Variants in SH3RF3 observed in about 807,000 individuals in gnomAD.
SH3RF3 encodes the protein E3 ubiquitin-protein ligase SH3RF3.
A neutral mutation model predicts 66.3 loss-of-function variants in SH3RF3; 29 were observed. The observed-to-expected ratio is 0.44, with a 90% CI of 0.33 to 0.60. The LOEUF (loss-of-function observed/expected upper bound fraction) is 0.60, where lower values mean the gene tolerates loss of function less well. Among genes scored for constraint, SH3RF3 ranks in the 20% least tolerant of loss-of-function variants. SH3RF3 has a pLI of 0.04. For missense variants in SH3RF3, 1,194 were observed against 1,190.9 expected (o/e 1.00, Z -0.04); for synonymous variants, 583 against 532.0 (o/e 1.10, Z -1.32).
chr2:109,460,697 T>C (rs6542832), intron 8 of SH3RF3, among the ~76,000 whole-genome samples: 86,191 of 152,090 alleles, frequency 0.57, 24,557 homozygotes, highest in Admixed American at 0.57. Flanking sequence ...TTTTCACATG[T>C]GCTTTTCCAA....
At chr2:109,345,070 T>G (rs1288268094) in intron 1 of SH3RF3, among the ~76,000 whole-genome samples, 1 of 152,098 alleles carries the variant, frequency 6.6e-6, no homozygotes, top group Non-Finnish European at 1.5e-5. Context: ...AAAGACAGAA[T>G]CCCCGTGACT....
In SH3RF3 at chr2:109,294,800, C is replaced by T. The variant is rs114148199; in HGVS notation, c.574-52874C>T. On this transcript the variant is annotated intron_variant, in intron 1 of 9. Coordinates refer to ENST00000309415, the MANE Select transcript of SH3RF3 (RefSeq NM_001099289.3). ...AGGATGGCTCCAAGTGAGGAGGTAC[C>T]GACTCAGCCCAGGCTTAGCCAAGCC... Among the ~76,000 whole-genome samples the T allele has an allele frequency of 8.1e-3, 1,234 of 152,174 alleles. 20 individuals carry two copies. The highest frequency in any genetic ancestry group is 0.028 in the African/African-American group (1,173 of 41,514).
chr2:109,479,276 G>A (rs942795750), intron 8 of SH3RF3, among the ~76,000 whole-genome samples: 8 of 152,168 alleles, frequency 5.3e-5, no homozygotes, highest in South Asian at 2.1e-4. Context: ...GTGGGGACAC[G>A]GTCCTGTGAC....
chr2:109,320,473 G>A (rs1405894660), intron 1 of SH3RF3, among the ~76,000 whole-genome samples: 1 of 152,104 alleles, frequency 6.6e-6, no homozygotes, highest in Non-Finnish European at 1.5e-5. Context: ...TCCTCCTCAC[G>A]TCTTCTTAAC....
intron 1 of SH3RF3, among the ~76,000 whole-genome samples, chr2:109,167,089 A>AT (rs1018489635): frequency 8.5e-5 from 13 of 152,236 alleles, no homozygotes; most frequent in African/African-American, 2.4e-4. Context: ...CAGAAGTTAA[A>AT]TTAATAGCAG....
intron 2 of SH3RF3, among the ~76,000 whole-genome samples, chr2:109,368,549 A>G (rs1683194674): frequency 6.6e-6 from 1 of 151,960 alleles, no homozygotes; most frequent in African/African-American, 2.4e-5. Flanking sequence ...ACCTTCCTCA[A>G]ATTCTTATTC....
intron 4 of SH3RF3, among the ~76,000 whole-genome samples, chr2:109,418,715 T>C (rs6743315): frequency 0.67 from 102,345 of 152,074 alleles, 36,031 homozygotes; most frequent in African/African-American, 0.9. Context: ...GGCTGGGACT[T>C]GGACAGATCT....
chr2:109,399,009 T>A, intron 4 of SH3RF3, 66 bp downstream of exon 4: 1 of 1,475,162 alleles, frequency 6.8e-7, no homozygotes, highest in Non-Finnish European at 9.1e-7. Context: ...AGCTCCGTGT[T>A]CAGTGTCCCC....
chr2:109,484,870 G>GA (rs1285899793), intron 8 of SH3RF3, among the ~76,000 whole-genome samples: 1 of 152,146 alleles, frequency 6.6e-6, no homozygotes, highest in African/African-American at 2.4e-5. Flanking sequence ...ACTTGTGTCT[G>GA]AACATCTCTA....
At chr2:109,316,516 G>A (rs1284014997) in intron 1 of SH3RF3, among the ~76,000 whole-genome samples, 2 of 152,194 alleles carry the variant, frequency 1.3e-5, no homozygotes, top group Non-Finnish European at 1.5e-5. Flanking sequence ...ACTCCTCTTA[G>A]AGATTTCCTC....
At position 109,451,606 on chromosome 2, in the gene SH3RF3, C is replaced by T. The variant is rs563526063; in HGVS notation, c.2148+2117C>T. Among the ~76,000 whole-genome samples, 3 of 152,346 alleles carry T rather than the reference C, an allele frequency of 2.0e-5. No homozygotes were observed. The South Asian group carries it at 6.2e-4, about 32-fold the overall frequency. ...CCCACCTAAGTGTGAAGCTAATGAA[C>T]ACCAGCTGAGTCTGTTCCTAGCCTG... is the stretch of plus-strand genomic sequence containing the variant. On this transcript the variant is annotated intron_variant, in intron 8 of 9. Transcript: ENST00000309415.
chr2:109,340,592 A>C (rs535868200), intron 1 of SH3RF3, among the ~76,000 whole-genome samples: 5 of 152,206 alleles, frequency 3.3e-5, no homozygotes, highest in Non-Finnish European at 7.3e-5. Context: ...TACACTTAGA[A>C]GCATCTGCCT....
chr2:109,500,756 C>G (rs1433632397), intron 9 of SH3RF3, among the ~76,000 whole-genome samples: 2 of 152,096 alleles, frequency 1.3e-5, no homozygotes, highest in Admixed American at 6.5e-5. Context: ...CAAGACCAGC[C>G]TGGGCAACAT....
chr2:109,314,279 A>G (rs1266852674), intron 1 of SH3RF3, among the ~76,000 whole-genome samples: 1 of 152,134 alleles, frequency 6.6e-6, no homozygotes, highest in Non-Finnish European at 1.5e-5. Context: ...ATGTTTTAGG[A>G]GAAAGTTTTA....
intron 3 of SH3RF3, among the ~76,000 whole-genome samples, chr2:109,391,901 G>T (rs975494874): frequency 6.6e-6 from 1 of 151,896 alleles, no homozygotes. Flanking sequence ...GTGCAGTGGC[G>T]TGACCTCTCA....
intron 2 of SH3RF3, among the ~76,000 whole-genome samples, chr2:109,362,036 T>C (rs1418235778): frequency 2.0e-5 from 3 of 152,144 alleles, no homozygotes; most frequent in African/African-American, 7.2e-5. Context: ...ATCTTTTTTG[T>C]TTCATTGATT....
chr2:109,311,934 C>G (rs1021214845), intron 1 of SH3RF3, among the ~76,000 whole-genome samples: 1 of 152,094 alleles, frequency 6.6e-6, no homozygotes, highest in African/African-American at 2.4e-5. Flanking sequence ...GAGATGGAGT[C>G]ACAGATTTTG....
At chr2:109,446,989 G>C (rs1310221280) in intron 7 of SH3RF3, among the ~76,000 whole-genome samples, 1 of 151,838 alleles carries the variant, frequency 6.6e-6, no homozygotes, top group Non-Finnish European at 1.5e-5. Context: ...AATAAATCTC[G>C]AGGAGCGGCC....
In SH3RF3 at chr2:109,347,741, A is replaced by C. The variant is rs781681128; in HGVS notation, c.641A>C (p.Lys214Thr). ...SYEGKEPGDL[K>T]FNKGDIIVLR... ...GAGGGGAAGGAACCTGGTGACCTCA[A>C]GTTCAACAAGGGGGACATCATCGTC... The change falls in exon 2 of 10, where the codon AAG becomes ACG. Residue 214 changes from lysine to threonine, a missense_variant. Transcript: ENST00000309415. 1 of 1,613,850 alleles carries C rather than the reference A, an allele frequency of 6.2e-7. No homozygotes were observed. The highest frequency in any genetic ancestry group is 1.1e-5 in the South Asian group (1 of 91,072).
Sources: allele counts gnomAD v4.1 joint callset (sites outside exome capture counted in the v4.1 genomes callset), GRCh38; gene constraint gnomAD v4.1.1; transcripts MANE v1.5; gene names NCBI Gene and HGNC (gene_info 2026-07-23, HGNC 2026-07-21).